The following BUB1B variants were observed in gnomAD, a reference collection of about 807,000 sequenced individuals.
BUB1B encodes the protein BUB1 mitotic checkpoint serine/threonine kinase B.
BUB1B carries 86 observed loss-of-function variants against 137.7 expected under a neutral mutation model. That is an observed-to-expected ratio of 0.62 (90% CI 0.52 to 0.75). The LOEUF is 0.75. BUB1B is among the 30% of genes least tolerant of loss of function. BUB1B has a pLI of 0.00. For synonymous variants in BUB1B, 420 were observed against 417.9 expected (o/e 1.00, Z -0.06); for missense variants, 1,130 against 1,236.9 (o/e 0.91, Z 1.30).
chr15:40,195,972 C>G (rs1031846529), intron 8 of BUB1B, among the ~76,000 whole-genome samples: 1 of 152,208 alleles, frequency 6.6e-6, no homozygotes, highest in Admixed American at 6.5e-5. Flanking sequence ...TGTGCAGAAG[C>G]TTTTTAGTTT....
At chr15:40,165,850 GA>G (rs1403802162) in intron 2 of BUB1B, among the ~76,000 whole-genome samples, 1 of 145,718 alleles carries the variant, frequency 6.9e-6, no homozygotes, top group Non-Finnish European at 1.5e-5. Flanking sequence ...CATCTCTTTG[GA>G]TTTTTTTTTT....
At chr15:40,185,041 C>A in intron 6 of BUB1B, 124 bp from the exon 7 acceptor site, 1 of 599,124 alleles carries the variant, frequency 1.7e-6, no homozygotes, top group Non-Finnish European at 2.7e-6. Context: ...TTTAAAATTT[C>A]TTTTTTTTTT....
chr15:40,182,999 G>A (rs1002130552), intron 5 of BUB1B, among the ~76,000 whole-genome samples: 1 of 152,062 alleles, frequency 6.6e-6, no homozygotes, highest in Non-Finnish European at 1.5e-5. Flanking sequence ...TCCTATCAGT[G>A]AGAGAAAGAG....
intron 18 of BUB1B, among the ~76,000 whole-genome samples, chr15:40,211,000 T>C (rs1458133480): frequency 6.6e-6 from 1 of 152,216 alleles, no homozygotes; most frequent in Non-Finnish European, 1.5e-5. Flanking sequence ...TGAGAAATTT[T>C]CTTCAATGGG....
chr15:40,199,184 T>C (rs926262973), intron 9 of BUB1B, among the ~76,000 whole-genome samples: 1 of 152,220 alleles, frequency 6.6e-6, no homozygotes, highest in Non-Finnish European at 1.5e-5. Context: ...TCACTGGTCT[T>C]AAGTAGCCCT....
At chr15:40,162,393 A>G (rs2037051658) in intron 1 of BUB1B, among the ~76,000 whole-genome samples, 1 of 152,238 alleles carries the variant, frequency 6.6e-6, no homozygotes, top group South Asian at 2.1e-4. Context: ...TTTTGAGCAA[A>G]GGAAAGACAT....
rs2037588951 is a variant in BUB1B at position 40,202,679 on chromosome 15, G to A, written c.1719G>A (p.Val573=). 1 of 1,613,230 alleles carries A rather than the reference G, an allele frequency of 6.2e-7. No homozygotes were observed. Among genetic ancestry groups the A allele is most frequent in the South Asian group, 1.1e-5 (1 of 91,048 alleles). ...AAAGCATCACCTCAAATGAAGATGT[G>A]TCTCCAGATGTTTGTGTAAGGAGCA... The part of the protein sequence containing the change: ...TSESITSNED[V]SPDVCDEFTG... Residue 573 remains valine (V), a synonymous_variant, in exon 14 of 23, where the codon GTG becomes GTA. Coordinates refer to ENST00000287598, the MANE Select transcript of BUB1B (RefSeq NM_001211.6).
At chr15:40,162,578 T>C (rs1475609602) in intron 1 of BUB1B, among the ~76,000 whole-genome samples, 1 of 152,150 alleles carries the variant, frequency 6.6e-6, no homozygotes, top group African/African-American at 2.4e-5. Flanking sequence ...GATTTCTGTA[T>C]ATATTTTGAA....
chr15:40,200,532 T>A (rs1045200963), intron 11 of BUB1B, among the ~76,000 whole-genome samples, 173 bp downstream of exon 11: 3 of 152,206 alleles, frequency 2.0e-5, no homozygotes, highest in African/African-American at 4.8e-5. Context: ...GAGCATTGAC[T>A]ATTTTCCACT....
chr15:40,201,062 G>T, intron 12 of BUB1B, 82 bp downstream of exon 12: 1 of 1,337,224 alleles, frequency 7.5e-7, no homozygotes, highest in South Asian at 1.2e-5. Flanking sequence ...TTTTAATTAT[G>T]ATAAAGGGAT....
chr15:40,166,779 T>C (rs912294241), intron 2 of BUB1B, among the ~76,000 whole-genome samples: 3 of 152,244 alleles, frequency 2.0e-5, no homozygotes, highest in African/African-American at 7.2e-5. Context: ...AGTTCATTTG[T>C]ACCAAATCCA....
rs771058347 is a variant in BUB1B, at chr15:40,183,895, A to C, written c.751+12A>C. The C allele has an allele frequency of 8.1e-6, 13 of 1,613,506 alleles. No individual in the cohort carries two copies. Among genetic ancestry groups the C allele is most frequent in the Non-Finnish European group, 1.0e-5 (12 of 1,179,738 alleles). ...AGGTGCTCTCAAGGGTAAGTTTGTT[A>C]AACGTTATTTCGGAAAACTGTTAGT... On this transcript the variant is annotated intron_variant, in intron 6 of 22. Transcript: ENST00000287598.
At chr15:40,164,662 CTTTTTTT>C (rs1174963610) in intron 1 of BUB1B, among the ~76,000 whole-genome samples, 4 of 127,602 alleles carry the variant, frequency 3.1e-5, no homozygotes, top group Admixed American at 8.0e-5. Flanking sequence ...ATTCATTTTT[CTTTTTTT>C]TTTTTTTTTT....
At chr15:40,216,364 G>A (rs2037782372) in intron 20 of BUB1B, among the ~76,000 whole-genome samples, 1 of 151,882 alleles carries the variant, frequency 6.6e-6, no homozygotes, top group Non-Finnish European at 1.5e-5. Context: ...CTTGAACCTA[G>A]GAGGCAGAGA....
chr15:40,171,752 C>G (rs1005875905), intron 4 of BUB1B, among the ~76,000 whole-genome samples: 1 of 152,046 alleles, frequency 6.6e-6, no homozygotes, highest in African/African-American at 2.4e-5. Context: ...ACTTTTTTCA[C>G]CTAGTATATT....
In BUB1B at chr15:40,176,726, T is replaced by C; in HGVS notation, c.581+53T>C. ...CTCTAAAAATAATAGAAATAAATTA[T>C]CTCTTTTTTGCATCTGAATAAAGTG... On this transcript the variant is annotated intron_variant, in intron 5 of 22. Transcript: ENST00000287598. The C allele has an allele frequency of 1.9e-6, 3 of 1,574,156 alleles. No individual in the cohort carries two copies. The South Asian group carries it at 3.4e-5, about 18-fold the overall frequency.
intron 5 of BUB1B, among the ~76,000 whole-genome samples, chr15:40,180,251 CTTTTTTT>C (rs34300396): frequency 2.2e-5 from 2 of 90,494 alleles, no homozygotes; most frequent in East Asian, 5.2e-4. Context: ...CGTTTCGTTT[CTTTTTTT>C]TTTTTTTTTT....
rs587778140 is a variant in BUB1B at position 40,199,723 on chromosome 15, A to C, written c.1397A>C (p.Asp466Ala). 3.4e-5 allele frequency: 54 copies of C among 1,610,604 alleles called. No individual in the cohort carries two copies. Among genetic ancestry groups the C allele is most frequent in the Non-Finnish European group, 4.6e-5 (54 of 1,176,968 alleles). The change falls in exon 10 of 23, where the codon GAT becomes GCT. Residue 466 changes from aspartate (D) to alanine (A), a missense_variant. Asp to Ala is a moderately radical substitution (Grantham distance 126). Coordinates refer to ENST00000287598, the MANE Select transcript of BUB1B (RefSeq NM_001211.6). ...IQTTQQERTG[D>A]QQEETMPTKE... is the part of the protein sequence containing the mutation. The stretch of plus-strand genomic sequence containing the variant: ...ACTACTCAGCAAGAAAGAACAGGTG[A>C]TCAGGTAATTTTTCTTTTTTCATAC...
chr15:40,180,365 C>G (rs2037273352), intron 5 of BUB1B, among the ~76,000 whole-genome samples: 1 of 146,686 alleles, frequency 6.8e-6, no homozygotes, highest in South Asian at 2.1e-4. Context: ...TCAAGTGATT[C>G]TCTTGCCTCA....
Sources: gnomAD v4.1 joint callset for allele counts (sites outside exome capture counted in the v4.1 genomes callset) on GRCh38, gnomAD v4.1.1 for gene constraint, MANE v1.5 for transcripts, NCBI Gene and HGNC (gene_info 2026-07-23, HGNC 2026-07-21) for gene names.